The following GALNT10 variants were observed in gnomAD, a reference collection of about 807,000 sequenced individuals.
GALNT10 encodes GalNAc transferase 10.
In GALNT10, 41 loss-of-function variants were observed where a neutral mutation model predicts 75.0. The ratio of observed to expected loss-of-function variants is 0.55; its 90% confidence interval spans 0.43 to 0.71. The LOEUF (loss-of-function observed/expected upper bound fraction) is 0.71, where lower values mean the gene tolerates loss of function less well. GALNT10 is among the 30% of genes least tolerant of loss of function. The pLI, the probability that GALNT10 is intolerant of heterozygous loss-of-function variation, is 0.00. For synonymous variants in GALNT10, 302 were observed against 313.0 expected (o/e 0.96, Z 0.37); for missense variants, 727 against 818.5 (o/e 0.89, Z 1.36).
intron 4 of GALNT10, among the ~76,000 whole-genome samples, chr5:154,355,684 G>A (rs901881196): frequency 6.0e-5 from 9 of 149,714 alleles, no homozygotes; most frequent in Non-Finnish European, 8.8e-5. Context: ...CTTCTCTCCC[G>A]ATTAGTAAAT....
intron 6 of GALNT10, among the ~76,000 whole-genome samples, chr5:154,383,909 T>C (rs1291617895): frequency 6.6e-6 from 1 of 152,220 alleles, no homozygotes; most frequent in Non-Finnish European, 1.5e-5. Context: ...GGGTAATTTA[T>C]AAAGAAAAGA....
Position 154,294,829 on chromosome 5 carries a change from G to C in GALNT10, c.173G>C (p.Arg58Pro), listed in dbSNP as rs370969922. Reference sequence around the variant, plus strand: ...TCTTTTTTTAAGGGCTCACACAGTCGACAAAAGAAAACGTTTTTCTTGGGA... The same window carrying C: ...TCTTTTTTTAAGGGCTCACACAGTCCACAAAAGAAAACGTTTTTCTTGGGA... ...APAAGQGSHS[R>P]QKKTFFLGDG... Residue 58 changes from arginine to proline, a missense_variant, in exon 2 of 12, where the codon CGA (arginine) becomes CCA (proline). Arg to Pro is a moderately radical substitution (Grantham distance 103, BLOSUM62 -2). Transcript: ENST00000297107. 4 of 1,591,234 alleles carry C rather than the reference G, an allele frequency of 2.5e-6. No individual in the cohort carries two copies. In the African/African-American group the frequency reaches 5.4e-5, roughly 21 times the overall value.
At chr5:154,259,783 A>G (rs1353056327) in intron 1 of GALNT10, among the ~76,000 whole-genome samples, 1 of 152,198 alleles carries the variant, frequency 6.6e-6, no homozygotes, top group African/African-American at 2.4e-5. Context: ...TGCACTCAAA[A>G]TGTTCTACAA....
At chr5:154,197,334 T>C (rs1203963229) in intron 1 of GALNT10, among the ~76,000 whole-genome samples, 2 of 152,200 alleles carry the variant, frequency 1.3e-5, no homozygotes, top group Non-Finnish European at 2.9e-5. Context: ...AAAGAACTTC[T>C]GTCTCTGCAG....
chr5:154,307,988 C>T (rs1436822654), intron 3 of GALNT10, among the ~76,000 whole-genome samples: 1 of 147,750 alleles, frequency 6.8e-6, no homozygotes, highest in Non-Finnish European at 1.5e-5. Flanking sequence ...AAAAAAGATA[C>T]CAGATAGAAA....
Position 154,407,731 on chromosome 5 carries a change from A to C in GALNT10, c.1165-1810A>C, listed in dbSNP as rs1264828756. Among the ~76,000 whole-genome samples, 4 of 152,216 alleles carry C rather than the reference A, an allele frequency of 2.6e-5. No individual in the cohort carries two copies. The East Asian group carries it at 7.7e-4, about 29-fold the overall frequency. ...TTAGGCCTTCAACTTCCTCTAGCACAGTTTTAAATTAAACACAGCCTTTTC... is the reference window on the plus strand; with the variant it reads ...TTAGGCCTTCAACTTCCTCTAGCACCGTTTTAAATTAAACACAGCCTTTTC... On this transcript the variant is annotated intron_variant, in intron 8 of 11. Coordinates refer to ENST00000297107, the MANE Select transcript of GALNT10 (RefSeq NM_198321.4).
intron 7 of GALNT10, chr5:154,387,546 G>C (rs775778456): frequency 1.3e-5 from 2 of 152,244 alleles, no homozygotes; most frequent in African/African-American, 2.4e-5. Flanking sequence ...ATTGGTGCCA[G>C]AGTGCCACGA....
intron 2 of GALNT10, 101 bp downstream of exon 2, chr5:154,295,019 T>C (rs1754253305): frequency 5.1e-6 from 3 of 591,162 alleles, no homozygotes; most frequent in Admixed American, 5.6e-5. Flanking sequence ...TTCATGTGTG[T>C]GTTTAGCAGG....
chr5:154,366,918 C>T (rs1581994525), intron 4 of GALNT10, among the ~76,000 whole-genome samples: 1 of 152,138 alleles, frequency 6.6e-6, no homozygotes, highest in South Asian at 2.1e-4. Context: ...GGTCAGGGGC[C>T]GTGGCAGAGG....
chr5:154,355,307 T>C (rs1361440152), intron 4 of GALNT10, among the ~76,000 whole-genome samples: 1 of 152,254 alleles, frequency 6.6e-6, no homozygotes, highest in Non-Finnish European at 1.5e-5. Flanking sequence ...TATCTGTTTA[T>C]CTGCCTCCTG....
chr5:154,409,788 C>T lies in GALNT10; in HGVS notation c.1386+26C>T. ...GTGAGTCTGGAGGGCAGGGCTGGCT[C>T]CATAATTTAATGGGTGTGCAAAATG... On this transcript the variant is annotated intron_variant, in intron 9 of 11. Coordinates refer to ENST00000297107, the MANE Select transcript of GALNT10 (RefSeq NM_198321.4). The surrounding 1 kb of genome is among the most constrained non-coding windows in gnomAD (Gnocchi z 4.5). 6.6e-7 allele frequency: 1 copy of T among 1,505,962 alleles called. No individual in the cohort carries two copies. The highest frequency in any genetic ancestry group is 9.2e-7 in the Non-Finnish European group (1 of 1,082,122). 93.3% of individuals were successfully genotyped at this position (1,505,962 alleles called of 1,614,324 possible). A position where few individuals can be genotyped will look rare whatever the true frequency, so the allele number is the denominator to read the frequency against.
chr5:154,334,960 C>T (rs1030695321), intron 4 of GALNT10, among the ~76,000 whole-genome samples: 2 of 152,208 alleles, frequency 1.3e-5, no homozygotes, highest in Non-Finnish European at 2.9e-5. Flanking sequence ...GGGAACACAT[C>T]ACGGAAATCC....
chr5:154,259,776 A>G lies in GALNT10; in HGVS notation c.160-35040A>G, dbSNP rs557021483. Among the ~76,000 whole-genome samples, 66 of 152,322 alleles carry G rather than the reference A, an allele frequency of 4.3e-4. 1 individual carries two copies. In the South Asian group the frequency reaches 0.011, roughly 26 times the overall value. On this transcript the variant is annotated intron_variant, in intron 1 of 11. Coordinates refer to ENST00000297107, the MANE Select transcript of GALNT10 (RefSeq NM_198321.4). ...TCTTACATATGTTATAAGCCCCTGC[A>G]CTCAAAATGTTCTACAAAATTGTTT...
intron 4 of GALNT10, among the ~76,000 whole-genome samples, chr5:154,335,454 A>C (rs1754930396): frequency 6.6e-6 from 1 of 152,164 alleles, no homozygotes. Context: ...ATTTAATCCA[A>C]AGTGTTGTAG....
intron 4 of GALNT10, among the ~76,000 whole-genome samples, chr5:154,331,443 C>A (rs974627862): frequency 6.6e-6 from 1 of 152,166 alleles, no homozygotes; most frequent in African/African-American, 2.4e-5. Context: ...ATCTCTGTGA[C>A]CTTGACCCAG....
intron 1 of GALNT10, among the ~76,000 whole-genome samples, chr5:154,210,167 GA>G (rs1053671190): frequency 9.2e-5 from 14 of 151,978 alleles, no homozygotes; most frequent in African/African-American, 3.4e-4. Flanking sequence ...CCTGTTCCAG[GA>G]TAAAGACTAA....
At chr5:154,387,203 T>C (rs1268547693) in intron 7 of GALNT10, 1 of 152,196 alleles carries the variant, frequency 6.6e-6, no homozygotes, top group Non-Finnish European at 1.5e-5. Context: ...CTGACAGTAG[T>C]GGTAAAGGAG....
At chr5:154,250,626 G>A (rs2113017007) in intron 1 of GALNT10, among the ~76,000 whole-genome samples, 1 of 152,206 alleles carries the variant, frequency 6.6e-6, no homozygotes, top group Non-Finnish European at 1.5e-5. Flanking sequence ...ATGGATCACT[G>A]GACAAAATCA....
At position 154,402,281 on chromosome 5, in the gene GALNT10, A is replaced by G. The variant is rs1193414558; in HGVS notation, c.1057-1823A>G. 6.6e-6 allele frequency among the ~76,000 whole-genome samples: 1 copy of G among 151,978 alleles called. No homozygotes were observed. Among genetic ancestry groups the G allele is most frequent in the Non-Finnish European group, 1.5e-5 (1 of 67,992 alleles). On this transcript the variant is annotated intron_variant, in intron 7 of 11. Coordinates refer to ENST00000297107, the MANE Select transcript of GALNT10 (RefSeq NM_198321.4). This position sits in a 1 kb window ranked among gnomAD's most constrained non-coding sequence, Gnocchi z 4.2. ...TCCTGCCCTGGCTTTCTTTTTGATTATGCCAAGCTTGGCCCTGCCCTGGTG... is the reference window on the plus strand; with the variant it reads ...TCCTGCCCTGGCTTTCTTTTTGATTGTGCCAAGCTTGGCCCTGCCCTGGTG...
Sources: allele counts gnomAD v4.1 joint callset (sites outside exome capture counted in the v4.1 genomes callset), GRCh38; gene constraint gnomAD v4.1.1; non-coding constraint Gnocchi (gnomAD v3.1); transcripts MANE v1.5; gene names NCBI Gene and HGNC (gene_info 2026-07-23, HGNC 2026-07-21).